PDHX: variants seen among roughly 807,000 people sequenced by gnomAD.
The protein encoded by PDHX is pyruvate dehydrogenase protein X component, mitochondrial.
Under a neutral mutation model 55.3 loss-of-function variants are expected in PDHX, and 33 were observed. The ratio of observed to expected loss-of-function variants is 0.60; its 90% CI spans 0.45 to 0.80. PDHX has a LOEUF of 0.80. PDHX is among the 30% of genes least tolerant of loss of function. The probability of loss-of-function intolerance (pLI) is 0.00; values close to 1 mark genes in which losing one functional copy is unlikely to be tolerated. For synonymous variants in PDHX, 226 were observed against 219.4 expected (o/e 1.03, Z -0.27); for missense variants, 622 against 619.9 (o/e 1.00, Z -0.04).
chr11:34,995,622 C>T lies in PDHX; in HGVS notation c.*450C>T. 1 of 244,458 alleles carries T rather than the reference C, an allele frequency of 4.1e-6. No individual in the cohort carries two copies. Among genetic ancestry groups the T allele is most frequent in the Non-Finnish European group, 8.0e-6 (1 of 124,278 alleles). 15.1% of individuals were successfully genotyped at this position (244,458 alleles called of 1,614,324 possible). A position where few individuals can be genotyped will look rare whatever the true frequency, so the allele number is the denominator to read the frequency against. ...ACTTAGCAGTGGGACCTCACTTTTA[C>T]AAGCACTGCTCTAGATATACTTGAA... On this transcript the variant is annotated 3_prime_UTR_variant, in exon 11 of 11. Coordinates refer to ENST00000227868, the MANE Select transcript of PDHX (RefSeq NM_003477.3).
At chr11:34,959,092 T>A in intron 4 of PDHX, among the ~76,000 whole-genome samples, 1 of 152,140 alleles carries the variant, frequency 6.6e-6, no homozygotes, top group South Asian at 2.1e-4. Flanking sequence ...TAATCAGGCT[T>A]ATTTTCTTTA....
intron 2 of PDHX, among the ~76,000 whole-genome samples, chr11:34,938,305 AT>A (rs1184909624): frequency 1.3e-5 from 2 of 152,204 alleles, no homozygotes; most frequent in Admixed American, 1.3e-4. Context: ...GGAAGAGGTA[AT>A]TTTCAAAGAA....
intron 2 of PDHX, among the ~76,000 whole-genome samples, chr11:34,943,729 C>G (rs1039709930): frequency 1.3e-5 from 2 of 152,148 alleles, no homozygotes; most frequent in African/African-American, 4.8e-5. Context: ...GTTTCCTGTT[C>G]TCTCTGCCTC....
intron 3 of PDHX, among the ~76,000 whole-genome samples, chr11:34,948,299 A>G (rs1854673713): frequency 6.6e-6 from 1 of 152,152 alleles, no homozygotes; most frequent in South Asian, 2.1e-4. Flanking sequence ...ATGTTTGCCT[A>G]ATAATTTGTA....
At chr11:34,956,205 C>CAT (rs35258745) in intron 3 of PDHX, among the ~76,000 whole-genome samples, 66 of 151,126 alleles carry the variant, frequency 4.4e-4, no homozygotes, top group Non-Finnish European at 6.4e-4. Flanking sequence ...ATACTAATTT[C>CAT]ATATATATAT....
chr11:34,984,830 T>C (rs1182937237), intron 9 of PDHX, 102 bp downstream of exon 9: 1 of 1,143,118 alleles, frequency 8.7e-7, no homozygotes, highest in Admixed American at 1.7e-5. Context: ...CTGTGATTTT[T>C]GTGTGTGTGA....
chr11:34,978,137 A>T lies in PDHX; in HGVS notation c.978A>T (p.Val326=), dbSNP rs1855419843. Residue 326 remains valine (V), a synonymous_variant, in exon 8 of 11, where the codon GTA becomes GTT. Coordinates refer to ENST00000227868, the MANE Select transcript of PDHX (RefSeq NM_003477.3). ...TTTTTCTTTCAGATGACATTAAAGT[A>T]TCAGTAAATGATTTTATCATCAAGG... The part of the protein sequence containing the change: ...RQDLVKDDIK[V]SVNDFIIKAA... The T allele has an allele frequency of 6.4e-7, 1 of 1,556,820 alleles. No homozygotes were observed. Among genetic ancestry groups the T allele is most frequent in the Non-Finnish European group, 8.9e-7 (1 of 1,128,582 alleles).
intron 2 of PDHX, among the ~76,000 whole-genome samples, chr11:34,935,433 G>A (rs1854285560): frequency 6.6e-6 from 1 of 152,196 alleles, no homozygotes; most frequent in African/African-American, 2.4e-5. Flanking sequence ...GAAGGATAGA[G>A]GAACAGTTAA....
chr11:34,957,803 T>C (rs1854939474), intron 4 of PDHX, among the ~76,000 whole-genome samples: 2 of 152,228 alleles, frequency 1.3e-5, no homozygotes, highest in Admixed American at 1.3e-4. Context: ...CCAGGTACTC[T>C]AAAAGCCCTG....
chr11:34,940,053 G>GA (rs1248241441), intron 2 of PDHX, among the ~76,000 whole-genome samples: 15 of 151,736 alleles, frequency 9.9e-5, no homozygotes, highest in Non-Finnish European at 7.4e-5. Flanking sequence ...TAACAGAAAG[G>GA]AAAAAAAATT....
chr11:34,985,728 G>A (rs573860106), intron 9 of PDHX, among the ~76,000 whole-genome samples: 9 of 152,280 alleles, frequency 5.9e-5, no homozygotes, highest in African/African-American at 2.2e-4. Context: ...TGTATGTATA[G>A]TGGTAGAACA....
At chr11:34,946,711 A>G (rs1249683770) in intron 2 of PDHX, among the ~76,000 whole-genome samples, 1 of 152,194 alleles carries the variant, frequency 6.6e-6, no homozygotes. Context: ...AGTCTCAGTC[A>G]ACAGGTTTTG....
At chr11:34,926,809 T>G (rs755901254) in intron 1 of PDHX, among the ~76,000 whole-genome samples, 2 of 152,078 alleles carry the variant, frequency 1.3e-5, no homozygotes, top group Non-Finnish European at 2.9e-5. Flanking sequence ...GAAACTAGAA[T>G]TAGATTAGTG....
intron 1 of PDHX, among the ~76,000 whole-genome samples, chr11:34,930,056 A>G (rs944104946): frequency 1.3e-5 from 2 of 152,174 alleles, no homozygotes; most frequent in Non-Finnish European, 1.5e-5. Flanking sequence ...GCTGCCTCAT[A>G]CCTGGTGGGC....
At chr11:34,986,636 A>G (rs1011633328) in intron 9 of PDHX, among the ~76,000 whole-genome samples, 1 of 152,202 alleles carries the variant, frequency 6.6e-6, no homozygotes, top group Non-Finnish European at 1.5e-5. Flanking sequence ...TACTGCTATA[A>G]TACATAAGTC....
At position 34,966,745 on chromosome 11, in the gene PDHX, C is replaced by G; in HGVS notation, c.747C>G (p.Ala249=). The change falls in exon 6 of 11, where the codon GCC becomes GCG. Residue 249 remains alanine, a synonymous_variant. Coordinates refer to ENST00000227868, the MANE Select transcript of PDHX (RefSeq NM_003477.3). The part of the protein sequence containing the change: ...ATPTAPSPLQ[A]TAGPSYPRPV... ...CCACAGCACCTTCGCCCCTACAGGC[C>G]ACAGCTGGACCATCTTATCCCCGGC... 1.2e-6 allele frequency: 2 copies of G among 1,614,152 alleles called. No homozygotes were observed. The highest frequency in any genetic ancestry group is 8.5e-7 in the Non-Finnish European group (1 of 1,180,008).
Position 34,989,437 on chromosome 11 carries a change from A to C in PDHX, c.1183-2878A>C, listed in dbSNP as rs553028412. 2.3e-3 allele frequency among the ~76,000 whole-genome samples: 345 copies of C among 152,296 alleles called. 1 individual carries two copies. The highest frequency in any genetic ancestry group is 7.7e-3 in the African/African-American group (322 of 41,566). ...CAAACGGGAGAGTACTCTGCCAAAGAAGCAGTGAAGATTCCCCGAGGAATG... is the reference window on the plus strand; with the variant it reads ...CAAACGGGAGAGTACTCTGCCAAAGCAGCAGTGAAGATTCCCCGAGGAATG... On this transcript the variant is annotated intron_variant, in intron 9 of 10. Coordinates refer to ENST00000227868, the MANE Select transcript of PDHX (RefSeq NM_003477.3).
intron 2 of PDHX, among the ~76,000 whole-genome samples, chr11:34,940,569 AT>A (rs1292129185): frequency 2.0e-5 from 3 of 152,190 alleles, no homozygotes; most frequent in Non-Finnish European, 4.4e-5. Flanking sequence ...TTGAGGTATA[AT>A]TTACATACCA....
At chr11:34,945,578 T>C (rs1405649104) in intron 2 of PDHX, among the ~76,000 whole-genome samples, 1 of 152,222 alleles carries the variant, frequency 6.6e-6, no homozygotes, top group African/African-American at 2.4e-5. Flanking sequence ...TTGCAGCTGC[T>C]GAGAAGTGTA....
Sources: allele counts gnomAD v4.1 joint callset (sites outside exome capture counted in the v4.1 genomes callset), GRCh38; gene constraint gnomAD v4.1.1; transcripts MANE v1.5; gene names NCBI Gene and HGNC (gene_info 2026-07-23, HGNC 2026-07-21).